The following SUSD1 variants were observed in gnomAD, a reference collection of about 807,000 sequenced individuals.
SUSD1 encodes sushi domain containing 1, also known as sushi domain-containing protein 1.
In SUSD1, 65 loss-of-function variants were observed where a neutral mutation model predicts 86.9. That is an observed-to-expected ratio of 0.75 (90% confidence interval 0.61 to 0.92). The LOEUF is 0.92. Among genes scored for constraint, SUSD1 ranks in the 40% least tolerant of loss-of-function variants. The pLI, the probability that SUSD1 is intolerant of heterozygous loss-of-function variation, is 0.00. For missense variants in SUSD1, 850 were observed against 929.7 expected (o/e 0.91, Z 1.11); for synonymous variants, 346 against 350.0 (o/e 0.99, Z 0.13).
chr9:112,163,056 A>G (rs1371174611), intron 1 of SUSD1, among the ~76,000 whole-genome samples: 1 of 152,186 alleles, frequency 6.6e-6, no homozygotes, highest in Admixed American at 6.5e-5. Context: ...TTTAAGGTTG[A>G]CAAATGCAAA....
intron 5 of SUSD1, among the ~76,000 whole-genome samples, chr9:112,140,674 G>C (rs1832526424): frequency 6.6e-6 from 1 of 152,156 alleles, no homozygotes; most frequent in African/African-American, 2.4e-5. Flanking sequence ...TAGAATTCCT[G>C]GGTTCAAGTT....
intron 1 of SUSD1, among the ~76,000 whole-genome samples, chr9:112,173,204 T>G (rs1338013339): frequency 6.6e-6 from 1 of 151,690 alleles, no homozygotes; most frequent in Non-Finnish European, 1.5e-5. Flanking sequence ...CACCTAATAT[T>G]ACAAAAATGG....
intron 13 of SUSD1, among the ~76,000 whole-genome samples, chr9:112,060,755 G>C (rs754183074): frequency 6.6e-6 from 1 of 152,196 alleles, no homozygotes; most frequent in Non-Finnish European, 1.5e-5. Context: ...CAAACTTGCC[G>C]GGAGACTTGA....
At chr9:112,165,375 G>GT (rs1188029846) in intron 1 of SUSD1, among the ~76,000 whole-genome samples, 7 of 147,912 alleles carry the variant, frequency 4.7e-5, no homozygotes, top group Non-Finnish European at 3.0e-5. Context: ...ACCTGTTGTG[G>GT]TGTTGTGCTA....
intron 2 of SUSD1, among the ~76,000 whole-genome samples, chr9:112,150,470 C>T (rs1310233775): frequency 1.3e-5 from 2 of 152,188 alleles, no homozygotes; most frequent in African/African-American, 2.4e-5. Context: ...AATTCTTATT[C>T]AACCAAAAGT....
intron 10 of SUSD1, among the ~76,000 whole-genome samples, chr9:112,087,548 G>A (rs1830037386): frequency 6.6e-6 from 1 of 151,984 alleles, no homozygotes; most frequent in Non-Finnish European, 1.5e-5. Flanking sequence ...AGGTGACTAA[G>A]TTCAGGAAAA....
intron 1 of SUSD1, among the ~76,000 whole-genome samples, chr9:112,166,545 G>A (rs985931312): frequency 6.6e-6 from 1 of 152,130 alleles, no homozygotes; most frequent in African/African-American, 2.4e-5. Flanking sequence ...AGAATCCTGG[G>A]GAAAGAAAAG....
intron 2 of SUSD1, among the ~76,000 whole-genome samples, chr9:112,152,843 C>T (rs1028729342): frequency 8.2e-5 from 12 of 147,082 alleles, no homozygotes; most frequent in Admixed American, 5.6e-4. Flanking sequence ...CAGCCTCAAC[C>T]TCCTCGGCTC....
intron 8 of SUSD1, among the ~76,000 whole-genome samples, chr9:112,105,194 T>C (rs1430971703): frequency 6.6e-6 from 1 of 152,146 alleles, no homozygotes; most frequent in African/African-American, 2.4e-5. Context: ...AAATGCATAT[T>C]TGTGTAAGTG....
chr9:112,146,722 A>T (rs913090838), intron 3 of SUSD1, among the ~76,000 whole-genome samples: 1 of 151,990 alleles, frequency 6.6e-6, no homozygotes, highest in African/African-American at 2.4e-5. Flanking sequence ...TGCAGCCTCA[A>T]AGTCCTGGGC....
At chr9:112,042,784 C>T (rs918986325) in intron 15 of SUSD1, among the ~76,000 whole-genome samples, 3 of 152,134 alleles carry the variant, frequency 2.0e-5, no homozygotes, top group Admixed American at 6.5e-5. Flanking sequence ...CTTAAGGAAC[C>T]AAGGTGGGAG....
chr9:112,087,326 T>G (rs113153924), intron 10 of SUSD1, among the ~76,000 whole-genome samples: 1 of 152,030 alleles, frequency 6.6e-6, no homozygotes, highest in Non-Finnish European at 1.5e-5. Context: ...GAATTACAGG[T>G]GTGCACCACC....
At chr9:112,104,391 CTAA>C (rs1215990159) in intron 8 of SUSD1, among the ~76,000 whole-genome samples, 5 of 151,556 alleles carry the variant, frequency 3.3e-5, no homozygotes, top group Non-Finnish European at 5.9e-5. Flanking sequence ...ATTGCTACTG[CTAA>C]TAATAATAAT....
chr9:112,149,374 G>A lies in SUSD1; in HGVS notation c.243C>T (p.Ala81=), dbSNP rs1326895146. Residue 81 remains alanine, a synonymous_variant, in exon 3 of 17, where the codon GCC becomes GCT. Transcript: ENST00000374270. ...ATGTGTGGTTCCCACAGACAAGAGT[G>A]GCTCCAAACTGGCACTCATTTTTAT... ...CVDKNECQFG[A]TLVCGNHTSC... The A allele has an allele frequency of 6.2e-7, 1 of 1,614,096 alleles. No homozygotes were observed. Among genetic ancestry groups the A allele is most frequent in the Non-Finnish European group, 8.5e-7 (1 of 1,180,012 alleles).
intron 5 of SUSD1, among the ~76,000 whole-genome samples, chr9:112,125,365 T>G (rs1037711965): frequency 6.6e-6 from 1 of 152,150 alleles, no homozygotes; most frequent in Non-Finnish European, 1.5e-5. Flanking sequence ...TTCAAATTAT[T>G]TCAATAAAAC....
intron 5 of SUSD1, among the ~76,000 whole-genome samples, chr9:112,135,745 TC>T (rs1405445460): frequency 2.6e-5 from 4 of 152,214 alleles, no homozygotes; most frequent in African/African-American, 9.6e-5. Context: ...CTGCCACTCC[TC>T]ACTAGAAAAT....
rs781018753 is a variant in SUSD1, at chr9:112,098,605, T to G, written c.1339A>C (p.Asn447His). The G allele has an allele frequency of 6.2e-7, 1 of 1,614,166 alleles. No individual in the cohort carries two copies. Among genetic ancestry groups the G allele is most frequent in the Non-Finnish European group, 8.5e-7 (1 of 1,180,024 alleles). The stretch of plus-strand genomic sequence containing the variant: ...GGCACTTGTTCCCTCGTTGTGAAGT[T>G]AAACGATGTTGCATGAGAAAAGTTA... ...LANFSHATSF[N>H]FTTREQVPVV... Residue 447 changes from asparagine (N) to histidine (H), a missense_variant, in exon 10 of 17, where the codon AAC (asparagine) becomes CAC (histidine). By Grantham distance (68) the Asn-to-His change is moderately conservative. Coordinates refer to ENST00000374270, the MANE Select transcript of SUSD1 (RefSeq NM_022486.5).
intron 12 of SUSD1, among the ~76,000 whole-genome samples, chr9:112,069,622 T>A (rs946261187): frequency 4.6e-5 from 7 of 152,202 alleles, no homozygotes; most frequent in African/African-American, 1.7e-4. Context: ...ACGTGTCTCC[T>A]CTTCTCAGCC....
At chr9:112,087,007 T>TA (rs1830014282) in intron 10 of SUSD1, among the ~76,000 whole-genome samples, 1 of 149,534 alleles carries the variant, frequency 6.7e-6, no homozygotes, top group South Asian at 2.1e-4. Flanking sequence ...TATACATATA[T>TA]AATATACATA....
Sources: gnomAD v4.1 joint callset for allele counts (sites outside exome capture counted in the v4.1 genomes callset) on GRCh38, gnomAD v4.1.1 for gene constraint, MANE v1.5 for transcripts, NCBI Gene and HGNC (gene_info 2026-07-23, HGNC 2026-07-21) for gene names.